Variants in MEP1B observed in about 807,000 individuals in gnomAD.
The protein encoded by MEP1B is meprin A subunit beta.
In MEP1B, 80 loss-of-function variants were observed where a neutral mutation model predicts 84.6. The observed-to-expected ratio is 0.95, with a 90% CI of 0.79 to 1.14. The LOEUF is 1.14. Among genes scored for constraint, MEP1B ranks in the 50% most tolerant of loss-of-function variants. MEP1B has a pLI of 0.00. For missense variants in MEP1B, 766 were observed against 855.1 expected (o/e 0.90, Z 1.30); for synonymous variants, 273 against 288.1 (o/e 0.95, Z 0.53).
chr18:32,206,978 C>G (rs1015371973), intron 7 of MEP1B, among the ~76,000 whole-genome samples: 2 of 152,194 alleles, frequency 1.3e-5, no homozygotes, highest in African/African-American at 4.8e-5. Context: ...TTCTAGAATC[C>G]TCCTTTCCAC....
chr18:32,217,979 G>A lies in MEP1B; in HGVS notation c.2091+14G>A. On this transcript the variant is annotated intron_variant, in intron 14 of 14. Coordinates refer to ENST00000269202, the MANE Select transcript of MEP1B (RefSeq NM_005925.3). ...ACTCCGCAAAATGTAAGTTGAGGCT[G>A]ATGTTTGATTATTCATAACCTATTG... 6.2e-7 allele frequency: 1 copy of A among 1,612,288 alleles called. No homozygotes were observed. The highest frequency in any genetic ancestry group is 8.5e-7 in the Non-Finnish European group (1 of 1,178,794).
At position 32,217,764 on chromosome 18, in the gene MEP1B, C is replaced by A. The variant is rs778249291; in HGVS notation, c.1890C>A (p.Cys630Ter). 2.0e-5 allele frequency: 33 copies of A among 1,612,758 alleles called. No individual in the cohort carries two copies. The highest frequency in any genetic ancestry group is 2.5e-5 in the Non-Finnish European group (29 of 1,179,278). Reference sequence around the variant, plus strand: ...GAGTCATGCTCTCAACATGCAGGTGCCAGTCAGGGGAAGACTGGTGGTACA... The same window carrying A: ...GAGTCATGCTCTCAACATGCAGGTGACAGTCAGGGGAAGACTGGTGGTACA... ...TVRDGKAECR[C>*]QSGEDWWYMG... is the part of the protein sequence containing the mutation. The change falls in exon 14 of 15, where the codon TGC (cysteine) becomes TGA (stop). Residue 630 changes from cysteine (C) to a stop codon, truncating the protein, a stop_gained. Transcript: ENST00000269202. LOFTEE classifies it high-confidence loss of function.
chr18:32,209,101 CTT>C (rs1307922878), intron 9 of MEP1B, among the ~76,000 whole-genome samples: 2 of 152,196 alleles, frequency 1.3e-5, no homozygotes, highest in African/African-American at 4.8e-5. Context: ...AATGTTGTCT[CTT>C]TCATAAATCG....
chr18:32,199,797 T>C (rs9953120), intron 5 of MEP1B, among the ~76,000 whole-genome samples: 73,655 of 151,502 alleles, frequency 0.49, 19,196 homozygotes, highest in African/African-American at 0.69. Context: ...ACCTCAGCCT[T>C]CCAAGTATCT....
At chr18:32,190,203 G>GT in intron 1 of MEP1B, 70 bp downstream of exon 1, 22 of 1,088,242 alleles carry the variant, frequency 2.0e-5, no homozygotes, top group South Asian at 3.0e-5. Flanking sequence ...TAAAGAACAA[G>GT]TGTTTTTTTT....
chr18:32,207,415 A>G lies in MEP1B; in HGVS notation c.711A>G (p.Gln237=), dbSNP rs1425475976. ...CAGACTTTGAGGATGTGATCGGCCA[A>G]CGAATGGATTTCAGTGACTCTGATC... ...RISDFEDVIG[Q]RMDFSDSDLL... The change falls in exon 8 of 15, where the codon CAA becomes CAG. Residue 237 remains glutamine (Q), a synonymous_variant. Transcript: ENST00000269202. 19 of 1,613,382 alleles carry G rather than the reference A, an allele frequency of 1.2e-5. No individual in the cohort carries two copies. The highest frequency in any genetic ancestry group is 1.4e-5 in the Non-Finnish European group (17 of 1,179,678).
At chr18:32,200,876 G>A (rs901427049) in intron 5 of MEP1B, among the ~76,000 whole-genome samples, 4 of 152,168 alleles carry the variant, frequency 2.6e-5, no homozygotes, top group Non-Finnish European at 5.9e-5. Context: ...GAAACCTGAA[G>A]GGGCTACTAA....
chr18:32,198,628 A>G lies in MEP1B; in HGVS notation c.250+3143A>G, dbSNP rs559543956. Among the ~76,000 whole-genome samples the G allele has an allele frequency of 5.9e-5, 9 of 152,248 alleles. No individual in the cohort carries two copies. In the South Asian group the frequency reaches 1.7e-3, roughly 28 times the overall value. ...GAGAAAATCCTGAGCTGGAATTTAG[A>G]TTGAGAGTGGGGAGCTAGGAAGTTG... On this transcript the variant is annotated intron_variant, in intron 5 of 14. Coordinates refer to ENST00000269202, the MANE Select transcript of MEP1B (RefSeq NM_005925.3).
intron 4 of MEP1B, among the ~76,000 whole-genome samples, chr18:32,194,685 G>A: frequency 6.6e-6 from 1 of 152,032 alleles, no homozygotes; most frequent in East Asian, 1.9e-4. Flanking sequence ...GCTCTGTCTT[G>A]CGATCCCTAT....
At chr18:32,204,430 ATC>A (rs2040944511) in intron 7 of MEP1B, 70 bp downstream of exon 7, 1 of 1,296,604 alleles carries the variant, frequency 7.7e-7, no homozygotes, top group African/African-American at 1.5e-5. Context: ...CTCTCTTGTC[ATC>A]TGTGGCAACT....
At chr18:32,190,354 G>A (rs2040790256) in intron 1 of MEP1B, among the ~76,000 whole-genome samples, 1 of 152,002 alleles carries the variant, frequency 6.6e-6, no homozygotes, top group Non-Finnish European at 1.5e-5. Context: ...TTTCCTTTCA[G>A]TTTCATCATT....
chr18:32,203,719 T>C (rs1233465652), intron 6 of MEP1B, among the ~76,000 whole-genome samples: 2 of 152,144 alleles, frequency 1.3e-5, no homozygotes, highest in Non-Finnish European at 2.9e-5. Context: ...GCAGGCTTTA[T>C]AGGAAGCATG....
Position 32,215,812 on chromosome 18 carries a change from A to G in MEP1B, c.1759+551A>G, listed in dbSNP as rs576886407. 1.9e-3 allele frequency among the ~76,000 whole-genome samples: 291 copies of G among 152,268 alleles called. 1 individual carries two copies. The highest frequency in any genetic ancestry group is 6.6e-3 in the African/African-American group (273 of 41,552). On this transcript the variant is annotated intron_variant, in intron 12 of 14. Coordinates refer to ENST00000269202, the MANE Select transcript of MEP1B (RefSeq NM_005925.3). ...GCACTCCAGCCTGGGCCAAAGAGCG[A>G]GACTCCGTCTCAAAAAAAGAAAAGA...
intron 9 of MEP1B, among the ~76,000 whole-genome samples, chr18:32,209,871 C>T (rs1159371896): frequency 6.6e-6 from 1 of 151,998 alleles, no homozygotes; most frequent in Non-Finnish European, 1.5e-5. Flanking sequence ...ACTCTCACCT[C>T]TGTCCGCAGT....
At chr18:32,206,960 G>A (rs560515165) in intron 7 of MEP1B, among the ~76,000 whole-genome samples, 1 of 152,310 alleles carries the variant, frequency 6.6e-6, no homozygotes, top group Admixed American at 6.5e-5. Context: ...AGGCTGGTTA[G>A]CAGCACTTTC....
At chr18:32,213,996 A>C (rs2041057808) in intron 11 of MEP1B, among the ~76,000 whole-genome samples, 1 of 152,192 alleles carries the variant, frequency 6.6e-6, no homozygotes, top group South Asian at 2.1e-4. Context: ...GTACAGGTCA[A>C]GTGTGGAAGC....
At chr18:32,214,946 A>C in intron 11 of MEP1B, 136 bp from the exon 12 acceptor site, 1 of 646,182 alleles carries the variant, frequency 1.5e-6, no homozygotes, top group Non-Finnish European at 2.7e-6. Flanking sequence ...TTGCCAGGGA[A>C]TACATCACAG....
chr18:32,205,183 T>C (rs2040951966), intron 7 of MEP1B, among the ~76,000 whole-genome samples: 1 of 152,246 alleles, frequency 6.6e-6, no homozygotes, highest in African/African-American at 2.4e-5. Context: ...TTTTTTCTTT[T>C]TGCAGAGTAG....
chr18:32,212,028 G>T (rs143983075), intron 10 of MEP1B, among the ~76,000 whole-genome samples: 4 of 147,168 alleles, frequency 2.7e-5, no homozygotes, highest in African/African-American at 7.4e-5. Flanking sequence ...AATATATAAA[G>T]AATAATTATA....
Sources: allele counts gnomAD v4.1 joint callset (sites outside exome capture counted in the v4.1 genomes callset), GRCh38; gene constraint gnomAD v4.1.1; transcripts MANE v1.5; gene names NCBI Gene and HGNC (gene_info 2026-07-23, HGNC 2026-07-21).